DNAH2: variants seen among roughly 807,000 people sequenced by gnomAD.
DNAH2 encodes axonemal beta dynein heavy chain 2.
In DNAH2, 323 loss-of-function variants were observed where a neutral mutation model predicts 523.5. The observed-to-expected ratio is 0.62, with a 90% CI of 0.56 to 0.68. The LOEUF (loss-of-function observed/expected upper bound fraction) is 0.68, where lower values mean the gene tolerates loss of function less well. Ranked by LOEUF, DNAH2 falls within the 30% of genes least tolerant of loss-of-function variation. The pLI is 0.00. For synonymous variants in DNAH2, 2,093 were observed against 2,177.4 expected (o/e 0.96, Z 1.08); for missense variants, 4,907 against 5,701.5 (o/e 0.86, Z 4.49).
chr17:7,817,526 C>G, intron 65 of DNAH2, 35 bp from the exon 66 acceptor site: 1 of 1,613,750 alleles, frequency 6.2e-7, no homozygotes, highest in East Asian at 2.2e-5. Flanking sequence ...GGGCTCAGCT[C>G]TTCAAGTTAA....
intron 58 of DNAH2, 145 bp from the exon 59 acceptor site, chr17:7,804,111 G>C (rs2077297106): frequency 2.6e-6 from 2 of 776,664 alleles, no homozygotes; most frequent in Non-Finnish European, 4.1e-6. Context: ...GGAAGTGATA[G>C]AATCCCGACC....
chr17:7,721,612 T>C (rs1431811250), intron 2 of DNAH2, among the ~76,000 whole-genome samples: 4 of 152,358 alleles, frequency 2.6e-5, no homozygotes, highest in Admixed American at 2.6e-4. Flanking sequence ...TCGGCCTCTG[T>C]GCCTCATTCC....
chr17:7,823,533 C>T lies in DNAH2; in HGVS notation c.11234C>T (p.Thr3745Ile). Residue 3745 changes from threonine (T) to isoleucine (I), a missense_variant, in exon 74 of 86, where the codon ACC becomes ATC. Coordinates refer to ENST00000572933, the MANE Select transcript of DNAH2 (RefSeq NM_020877.5). ...WDNITELDKL[T>I]NFHGLMNSFE... The stretch of plus-strand genomic sequence containing the variant: ...AACATCACAGAGCTAGACAAACTGA[C>T]CAACTTCCACGGACTCATGAACTCC... 6.2e-7 allele frequency: 1 copy of T among 1,614,152 alleles called. No individual in the cohort carries two copies. The highest frequency in any genetic ancestry group is 8.5e-7 in the Non-Finnish European group (1 of 1,180,028).
chr17:7,803,780 G>C (rs1466114945), intron 58 of DNAH2, among the ~76,000 whole-genome samples: 1 of 151,844 alleles, frequency 6.6e-6, no homozygotes, highest in Non-Finnish European at 1.5e-5. Context: ...TTTGAGACCA[G>C]CCTGGGCAAA....
chr17:7,786,748 G>A lies in DNAH2; in HGVS notation c.6466+61G>A, dbSNP rs949181107. 10 of 1,601,588 alleles carry A rather than the reference G, an allele frequency of 6.2e-6. No homozygotes were observed. The highest frequency in any genetic ancestry group is 8.5e-6 in the Non-Finnish European group (10 of 1,170,268). Reference sequence around the variant, plus strand: ...CCTGAGTCTCCTAAGGGGGCAGGGAGTCTGGGGATAGGAAGTTCCAAGTTG... The same window carrying A: ...CCTGAGTCTCCTAAGGGGGCAGGGAATCTGGGGATAGGAAGTTCCAAGTTG... On this transcript the variant is annotated intron_variant, in intron 41 of 85. Coordinates refer to ENST00000572933, the MANE Select transcript of DNAH2 (RefSeq NM_020877.5). This position sits in a 1 kb window ranked among gnomAD's most constrained non-coding sequence, Gnocchi z 7.5.
At chr17:7,805,491 G>A in intron 61 of DNAH2, 98 bp downstream of exon 61, 1 of 1,546,992 alleles carries the variant, frequency 6.5e-7, no homozygotes, top group Middle Eastern at 1.7e-4. Context: ...GATGGATGAG[G>A]CATTGTTCTT....
intron 8 of DNAH2, chr17:7,737,932 G>T: frequency 1.4e-6 from 1 of 701,082 alleles, no homozygotes; most frequent in South Asian, 1.5e-5. Flanking sequence ...CAAGGAGGTG[G>T]GGACAGAGGC....
chr17:7,781,116 C>T lies in DNAH2; in HGVS notation c.6078C>T (p.Ile2026=), dbSNP rs191729503. 1.9e-5 allele frequency: 31 copies of T among 1,614,200 alleles called. No homozygotes were observed. Among genetic ancestry groups the T allele is most frequent in the Admixed American group, 1.0e-4 (6 of 60,024 alleles). The change falls in exon 39 of 86, where the codon ATC becomes ATT. Residue 2026 remains isoleucine (I), a synonymous_variant. Transcript: ENST00000572933. ...TSVDAPLFNA[I]VQDLFPNIEL... ...TTGATGCACCCCTGTTCAATGCCATCGTGCAAGATCTGTTTCCCAACATTG... is the reference window on the plus strand; with the variant it reads ...TTGATGCACCCCTGTTCAATGCCATTGTGCAAGATCTGTTTCCCAACATTG...
Position 7,775,919 on chromosome 17 carries a change from C to T in DNAH2, c.4822-105C>T. 2.7e-6 allele frequency: 4 copies of T among 1,461,152 alleles called. No individual in the cohort carries two copies. The South Asian group carries it at 5.4e-5, about 20-fold the overall frequency. 90.5% of individuals were successfully genotyped at this position (1,461,152 alleles called of 1,614,324 possible). A position where few individuals can be genotyped will look rare whatever the true frequency, so the allele number is the denominator to read the frequency against. On this transcript the variant is annotated intron_variant, in intron 30 of 85. Coordinates refer to ENST00000572933, the MANE Select transcript of DNAH2 (RefSeq NM_020877.5). The stretch of plus-strand genomic sequence containing the variant: ...AGCTGTTGGCCATTCCCGCTTTTCT[C>T]TGGGTACAAAGCCCTGAAGTGCTGC...
chr17:7,743,020 G>T lies in DNAH2; in HGVS notation c.1782G>T (p.Leu594=), dbSNP rs763810918. ...AGATGGTCCAGGCCATTGATGAGCT[G>T]GTTCGAAAAACCTTCCAAGAGTGGA... ...YQQMVQAIDE[L]VRKTFQEWTS... Residue 594 remains leucine, a synonymous_variant, in exon 12 of 86, where the codon CTG becomes CTT. Transcript: ENST00000572933. The T allele has an allele frequency of 9.8e-6, 15 of 1,523,390 alleles. No homozygotes were observed. The highest frequency in any genetic ancestry group is 1.3e-5 in the Non-Finnish European group (15 of 1,139,580). 94.4% of individuals were successfully genotyped at this position (1,523,390 alleles called of 1,614,324 possible). A position where few individuals can be genotyped will look rare whatever the true frequency, so the allele number is the denominator to read the frequency against.
intron 63 of DNAH2, among the ~76,000 whole-genome samples, chr17:7,810,375 CT>C (rs2077480401): frequency 6.6e-6 from 1 of 151,812 alleles, no homozygotes; most frequent in African/African-American, 2.4e-5. Flanking sequence ...CAAATATACC[CT>C]TTTTGTTTTG....
At chr17:7,722,964 C>CTTTTTTTTTTTTTTTTTTTTTTTTTTTTT (rs559136734) in intron 2 of DNAH2, among the ~76,000 whole-genome samples, 1 of 114,698 alleles carries the variant, frequency 8.7e-6, no homozygotes, top group Admixed American at 9.0e-5. Flanking sequence ...CTTTTCTTTC[C>CTTTTTTTTTTTTTTTTTTTTTTTTTTTTT]TTTTTTTTTT....
At chr17:7,727,643 C>G (rs1468879498) in intron 4 of DNAH2, among the ~76,000 whole-genome samples, 2 of 150,944 alleles carry the variant, frequency 1.3e-5, no homozygotes, top group African/African-American at 2.4e-5. Flanking sequence ...GTAATCCCAG[C>G]TACTTGGGAG....
rs753608868 is a variant in DNAH2, at chr17:7,781,179, T to C, written c.6129+12T>C. The C allele has an allele frequency of 6.2e-7, 1 of 1,614,158 alleles. No individual in the cohort carries two copies. Among genetic ancestry groups the C allele is most frequent in the East Asian group, 2.2e-5 (1 of 44,884 alleles). ...TTGACTATGGCAAGGTATTTGTTCC[T>C]TAATACTCTCCCTGACCGGGTGCTG... On this transcript the variant is annotated intron_variant, in intron 39 of 85. Coordinates refer to ENST00000572933, the MANE Select transcript of DNAH2 (RefSeq NM_020877.5).
At chr17:7,725,064 A>C in intron 3 of DNAH2, among the ~76,000 whole-genome samples, 1 of 148,776 alleles carries the variant, frequency 6.7e-6, no homozygotes, top group Non-Finnish European at 1.5e-5. Context: ...ATTTTGTATT[A>C]AACCTTTTCA....
intron 12 of DNAH2, among the ~76,000 whole-genome samples, chr17:7,755,722 C>T (rs1038160131): frequency 6.6e-6 from 1 of 151,478 alleles, no homozygotes; most frequent in African/African-American, 2.4e-5. Context: ...GCAGCTGGAA[C>T]AGGAAGGAGG....
chr17:7,727,629 A>G (rs1008040927), intron 4 of DNAH2, among the ~76,000 whole-genome samples: 4 of 151,920 alleles, frequency 2.6e-5, no homozygotes, highest in Middle Eastern at 3.4e-3. Context: ...GGTGGTGCAC[A>G]CCTGTAATCC....
chr17:7,792,535 TC>T, intron 46 of DNAH2, 121 bp from the exon 47 acceptor site: 1 of 1,001,246 alleles, frequency 1.0e-6, no homozygotes, highest in Non-Finnish European at 1.5e-6. Flanking sequence ...GAGCACATGA[TC>T]CCCAGGCCCC....
At chr17:7,729,246 G>T (rs1490687149) in intron 4 of DNAH2, among the ~76,000 whole-genome samples, 1 of 151,952 alleles carries the variant, frequency 6.6e-6, no homozygotes, top group Non-Finnish European at 1.5e-5. Flanking sequence ...ACTTGAGAGG[G>T]TGTAATAAAA....
Sources: allele counts gnomAD v4.1 joint callset (sites outside exome capture counted in the v4.1 genomes callset), GRCh38; gene constraint gnomAD v4.1.1; non-coding constraint Gnocchi (gnomAD v3.1); transcripts MANE v1.5; gene names NCBI Gene and HGNC (gene_info 2026-07-23, HGNC 2026-07-21).